CYP24A1: variants seen among roughly 807,000 people sequenced by gnomAD.
CYP24A1 encodes the protein cytochrome P450 family 24 subfamily A member 1, also known as 1,25-dihydroxyvitamin D(3) 24-hydroxylase, mitochondrial.
In CYP24A1, 68 loss-of-function variants were observed where a neutral mutation model predicts 62.4. That is an observed-to-expected ratio of 1.09 (90% CI 0.90 to 1.33). CYP24A1 has a LOEUF of 1.33. Among genes scored for constraint, CYP24A1 ranks in the 40% most tolerant of loss-of-function variants. CYP24A1 has a pLI of 0.00. For missense variants in CYP24A1, 787 were observed against 653.0 expected (o/e 1.21, Z -2.24); for synonymous variants, 267 against 253.0 (o/e 1.06, Z -0.52).
chr20:54,167,779 AATT>A (rs61084513), intron 4 of CYP24A1, among the ~76,000 whole-genome samples: 4 of 126,864 alleles, frequency 3.2e-5, no homozygotes, highest in African/African-American at 1.5e-4. Context: ...TCAAATAAGT[AATT>A]AAAAAAAGTT....
intron 7 of CYP24A1, 39 bp downstream of exon 7, chr20:54,162,678 A>C (rs756018085): frequency 2.5e-5 from 34 of 1,347,234 alleles, no homozygotes; most frequent in Non-Finnish European, 3.5e-5. Context: ...AATGGTACAG[A>C]CCGTTCATTT....
chr20:54,162,846 G>T lies in CYP24A1; in HGVS notation c.861C>A (p.Asp287Glu), dbSNP rs886056788. 8.9e-6 allele frequency: 14 copies of T among 1,575,678 alleles called. No individual in the cohort carries two copies. Among genetic ancestry groups the T allele is most frequent in the Non-Finnish European group, 1.2e-5 (14 of 1,145,194 alleles). Residue 287 changes from aspartate to glutamate, a missense_variant, in exon 7 of 12, where the codon GAC becomes GAA. Transcript: ENST00000216862. ...GCTGAGAATACTTCTCTAACCGGTT[G>T]TCGATACAAGCTTTGACTATTAGAG... ...TIFKSVKACI[D>E]NRLEKYSQQP...
chr20:54,172,105 C>T (rs1478175846), intron 2 of CYP24A1, among the ~76,000 whole-genome samples: 2 of 152,136 alleles, frequency 1.3e-5, no homozygotes, highest in Admixed American at 1.3e-4. Context: ...TACAAAATAT[C>T]TCAGATTTAG....
At position 54,173,551 on chromosome 20, in the gene CYP24A1, G is replaced by A. The variant is rs764800017; in HGVS notation, c.29C>T (p.Ser10Leu). 10 of 1,582,496 alleles carry A rather than the reference G, an allele frequency of 6.3e-6. No individual in the cohort carries two copies. The highest frequency in any genetic ancestry group is 4.6e-5 in the South Asian group (4 of 87,630). ...CAGCTGCTGCAGGAAGGCGGCAAGCGAGCGGCTCTTGCTGATGGGGGAGCT... is the reference window on the plus strand; with the variant it reads ...CAGCTGCTGCAGGAAGGCGGCAAGCAAGCGGCTCTTGCTGATGGGGGAGCT... Reference protein sequence around the residue: MSSPISKSRSLAAFLQQLRS... With the variant: MSSPISKSRLLAAFLQQLRS... Residue 10 changes from serine (S) to leucine (L), a missense_variant, in exon 1 of 12, where the codon TCG becomes TTG. Coordinates refer to ENST00000216862, the MANE Select transcript of CYP24A1 (RefSeq NM_000782.5). This position sits in a 1 kb window ranked among gnomAD's most constrained non-coding sequence, Gnocchi z 7.2.
chr20:54,149,073 C>T (rs2092608755), downstream of CYP24A1, among the ~76,000 whole-genome samples: 2 of 152,146 alleles, frequency 1.3e-5, no homozygotes, highest in South Asian at 2.1e-4. Context: ...TTGGTTTGCC[C>T]CTGTACCCAT....
Position 54,173,537 on chromosome 20 carries a change from G to T in CYP24A1, c.43C>A (p.Leu15Met). ...ISKSRSLAAF[L>M]QQLRSPRQPP... The stretch of plus-strand genomic sequence containing the variant: ...TGCCTCGGACTGCGCAGCTGCTGCA[G>T]GAAGGCGGCAAGCGAGCGGCTCTTG... Residue 15 changes from leucine to methionine, a missense_variant, in exon 1 of 12, where the codon CTG becomes ATG. Transcript: ENST00000216862. The surrounding 1 kb of genome is among the most constrained non-coding windows in gnomAD (Gnocchi z 7.2). 1 of 1,580,862 alleles carries T rather than the reference G, an allele frequency of 6.3e-7. No homozygotes were observed. The highest frequency in any genetic ancestry group is 8.6e-7 in the Non-Finnish European group (1 of 1,166,032).
the CYP24A1 span, among the ~76,000 whole-genome samples, chr20:54,148,206 A>G: frequency 6.6e-6 from 1 of 151,120 alleles, no homozygotes; most frequent in African/African-American, 2.4e-5. Flanking sequence ...TTTGAGATGG[A>G]GGCCTATTTT....
At position 54,165,833 on chromosome 20, in the gene CYP24A1, C is replaced by T; in HGVS notation, c.641G>A (p.Ser214Asn). 1.5e-6 allele frequency: 2 copies of T among 1,316,530 alleles called. No homozygotes were observed. The highest frequency in any genetic ancestry group is 2.2e-6 in the Non-Finnish European group (2 of 908,000). 81.6% of individuals were successfully genotyped at this position (1,316,530 alleles called of 1,614,324 possible). The change falls in exon 5 of 12, where the codon AGT becomes AAT. Residue 214 changes from serine (S) to asparagine (N), a missense_variant and splice_region_variant. Transcript: ENST00000216862. ...YSELNKWSFE[S>N]ICLVLYEKRF... ...CTTCTCATACAACACGAGGCAGATA[C>T]CTGTCATTTAAAATAATCATCACTT...
chr20:54,165,672 G>C, intron 5 of CYP24A1, 70 bp downstream of exon 5: 1 of 880,096 alleles, frequency 1.1e-6, no homozygotes, highest in Non-Finnish European at 2.0e-6. Flanking sequence ...GGGAATCACT[G>C]TGAAGTTCTG....
downstream of CYP24A1, among the ~76,000 whole-genome samples, chr20:54,150,069 C>T (rs950993606): frequency 1.3e-5 from 2 of 152,132 alleles, no homozygotes; most frequent in Non-Finnish European, 2.9e-5. Flanking sequence ...TATTGAAATC[C>T]CACTGCTTAA....
chr20:54,153,438 G>A (rs907045064), downstream of CYP24A1: 1 of 152,166 alleles, frequency 6.6e-6, no homozygotes, highest in Non-Finnish European at 1.5e-5. Context: ...ATAAAGAGGG[G>A]AAGTCTCTCA....
rs556468258 is a variant in CYP24A1, at chr20:54,173,714, G to A, written c.-135C>T. On this transcript the variant is annotated 5_prime_UTR_variant, in exon 1 of 12. Coordinates refer to ENST00000216862, the MANE Select transcript of CYP24A1 (RefSeq NM_000782.5). This position sits in a 1 kb window ranked among gnomAD's most constrained non-coding sequence, Gnocchi z 7.2. ...AGAGGGCCAGCTGGTGTGATGGAGC[G>A]GGGTGAGGCGGGACAGGCAGCAGAA... 7.5e-5 allele frequency: 48 copies of A among 641,198 alleles called. No individual in the cohort carries two copies. The African/African-American group carries it at 8.5e-4, about 11-fold the overall frequency. 39.7% of individuals were successfully genotyped at this position (641,198 alleles called of 1,614,324 possible).
Position 54,153,936 on chromosome 20 carries a change from G to A in CYP24A1, c.*836C>T, listed in dbSNP as rs1196621699. 1 of 152,232 alleles carries A rather than the reference G, an allele frequency of 6.6e-6. No homozygotes were observed. Among genetic ancestry groups the A allele is most frequent in the African/African-American group, 2.4e-5 (1 of 41,434 alleles). 9.4% of individuals were successfully genotyped at this position (152,232 alleles called of 1,614,324 possible). On this transcript the variant is annotated 3_prime_UTR_variant, in exon 12 of 12. Coordinates refer to ENST00000216862, the MANE Select transcript of CYP24A1 (RefSeq NM_000782.5). ...TTATAATATTAAAGTCACACTGAAT[G>A]TTTTTAAGCTGTGACTAAACTTTGA...
At chr20:54,167,626 A>G (rs1199973684) in intron 4 of CYP24A1, among the ~76,000 whole-genome samples, 2 of 152,122 alleles carry the variant, frequency 1.3e-5, no homozygotes, top group African/African-American at 4.8e-5. Flanking sequence ...CACAAAAATC[A>G]GCCAGGCATG....
Position 54,172,772 on chromosome 20 carries a change from G to C in CYP24A1, c.449+137C>G, listed in dbSNP as rs2092698249. 5 of 1,536,072 alleles carry C rather than the reference G, an allele frequency of 3.3e-6. No individual in the cohort carries two copies. In the African/African-American group the frequency reaches 6.9e-5, roughly 21 times the overall value. ...AGAGCTCAGGGTTGCGATGGCACGGGAGAGGGGCTTTGGTATCCGCCCTAC... is the reference window on the plus strand; with the variant it reads ...AGAGCTCAGGGTTGCGATGGCACGGCAGAGGGGCTTTGGTATCCGCCCTAC... On this transcript the variant is annotated intron_variant, in intron 2 of 11. Coordinates refer to ENST00000216862, the MANE Select transcript of CYP24A1 (RefSeq NM_000782.5).
In CYP24A1 at chr20:54,157,005, G is replaced by GA. The variant is rs113497239; in HGVS notation, c.*10+163dup. ...CTCTTTGGGTCATCATTTTACAAAT[G>GA]AAAAAAAAAAAGGAAGTAGAGAGTT... On this transcript the variant is annotated intron_variant, in intron 11 of 11. Transcript: ENST00000216862. Among the ~76,000 whole-genome samples, 717 of 143,450 alleles carry GA rather than the reference G, an allele frequency of 5.0e-3. 1 individual carries two copies. Among genetic ancestry groups the GA allele is most frequent in the Non-Finnish European group, 6.4e-3 (416 of 65,100 alleles). The allele number at this position is 143,450 out of a possible 152,430, so 94.1% of individuals were successfully genotyped here. A position where few individuals can be genotyped will look rare whatever the true frequency, so the allele number is the denominator to read the frequency against.
the CYP24A1 span, among the ~76,000 whole-genome samples, chr20:54,146,469 T>C: frequency 1.3e-5 from 2 of 152,184 alleles, no homozygotes; most frequent in African/African-American, 4.8e-5. Context: ...TAGAGAGATC[T>C]GGGCCAATCA....
At chr20:54,163,004 A>G in intron 6 of CYP24A1, 142 bp from the exon 7 acceptor site, 4 of 702,342 alleles carry the variant, frequency 5.7e-6, no homozygotes. Context: ...ACACACACTA[A>G]TTATATTATT....
intron 2 of CYP24A1, 30 bp from the exon 3 acceptor site, chr20:54,171,700 C>G (rs2092694676): frequency 6.2e-7 from 1 of 1,613,908 alleles, no homozygotes; most frequent in Admixed American, 1.7e-5. Context: ...ACATTTAGAG[C>G]ACACTGAAAA....
Sources: allele counts gnomAD v4.1 joint callset (sites outside exome capture counted in the v4.1 genomes callset), GRCh38; gene constraint gnomAD v4.1.1; non-coding constraint Gnocchi (gnomAD v3.1); transcripts MANE v1.5; gene names NCBI Gene and HGNC (gene_info 2026-07-23, HGNC 2026-07-21).